Variants in UBE3B observed in about 807,000 individuals in gnomAD.
The protein encoded by UBE3B is ubiquitin-protein ligase E3B.
In UBE3B, 80 loss-of-function variants were observed where a neutral mutation model predicts 132.3. That is an observed-to-expected ratio of 0.60 (90% CI 0.50 to 0.73). The LOEUF is 0.73. UBE3B is among the 30% of genes least tolerant of loss of function. The pLI is 0.00. For synonymous variants in UBE3B, 487 were observed against 520.4 expected (o/e 0.94, Z 0.87); for missense variants, 1,196 against 1,362.5 (o/e 0.88, Z 1.92).
chr12:109,488,441 A>G, intron 6 of UBE3B, 131 bp from the exon 7 acceptor site: 2 of 838,374 alleles, frequency 2.4e-6, no homozygotes, highest in Non-Finnish European at 4.0e-6. Context: ...GAGAAAAAGA[A>G]TTAAGACTGA....
rs1876492388 is a variant in UBE3B, at chr12:109,486,585, A to AAAAAAAAAAAAAAAAAAAAAAAAAC, written c.447+28_447+29insAAAAAACAAAAAAAAAAAAAAAAAA. 8.6e-7 allele frequency: 1 copy of AAAAAAAAAAAAAAAAAAAAAAAAAC among 1,158,396 alleles called. No individual in the cohort carries two copies. Among genetic ancestry groups the AAAAAAAAAAAAAAAAAAAAAAAAAC allele is most frequent in the Non-Finnish European group, 1.2e-6 (1 of 847,296 alleles). 71.8% of individuals were successfully genotyped at this position (1,158,396 alleles called of 1,614,324 possible). A position where few individuals can be genotyped will look rare whatever the true frequency, so the allele number is the denominator to read the frequency against. ...TCTCAAGCAGCTCAAGGTAACAAAA[A>AAAAAAAAAAAAAAAAAAAAAAAAAC]AAAAAAAAAAAAAAAAAAGCAAAAC... On this transcript the variant is annotated intron_variant, in intron 6 of 27. Transcript: ENST00000342494.
chr12:109,532,001 C>T (rs1451124699), intron 26 of UBE3B, among the ~76,000 whole-genome samples: 1 of 152,014 alleles, frequency 6.6e-6, no homozygotes, highest in Non-Finnish European at 1.5e-5. Context: ...AAATGTAACC[C>T]TTGCCCAGGA....
chr12:109,514,080 A>C (rs373355311), intron 18 of UBE3B, among the ~76,000 whole-genome samples: 155 of 152,300 alleles, frequency 1.0e-3, no homozygotes, highest in South Asian at 3.1e-3. Flanking sequence ...ACATTTGTTA[A>C]AGCCTCAGCT....
At chr12:109,529,107 G>A (rs188076017) in intron 24 of UBE3B, among the ~76,000 whole-genome samples, 16 of 152,324 alleles carry the variant, frequency 1.1e-4, no homozygotes, top group Admixed American at 1.0e-3. Flanking sequence ...GTCGCAGTGA[G>A]CTGAGATCGC....
intron 17 of UBE3B, 130 bp from the exon 18 acceptor site, chr12:109,511,074 A>G (rs780208266): frequency 2.6e-6 from 2 of 763,212 alleles, no homozygotes; most frequent in Non-Finnish European, 4.4e-6. Context: ...GAGTATGGTC[A>G]TGTTCCCATC....
chr12:109,496,311 T>C (rs1878202898), intron 9 of UBE3B, among the ~76,000 whole-genome samples: 1 of 152,262 alleles, frequency 6.6e-6, no homozygotes, highest in South Asian at 2.1e-4. Flanking sequence ...TTGTTTCTAC[T>C]TTTTGGCTAT....
chr12:109,489,142 G>A (rs1195739278), intron 7 of UBE3B, among the ~76,000 whole-genome samples: 2 of 152,166 alleles, frequency 1.3e-5, no homozygotes, highest in Admixed American at 6.5e-5. Context: ...GCCTCTAGGC[G>A]CTGAAGACAG....
chr12:109,517,093 AG>A (rs1040656024), intron 19 of UBE3B, among the ~76,000 whole-genome samples: 2 of 152,210 alleles, frequency 1.3e-5, no homozygotes, highest in African/African-American at 2.4e-5. Context: ...GAGACCCAGC[AG>A]TGTCTTCCTT....
chr12:109,501,179 A>G (rs1464355285), intron 12 of UBE3B, among the ~76,000 whole-genome samples, 192 bp from the exon 13 acceptor site: 2 of 152,218 alleles, frequency 1.3e-5, no homozygotes, highest in African/African-American at 4.8e-5. Context: ...TGAAGAGTCA[A>G]TGCCCTTGAC....
At chr12:109,516,629 A>T in intron 18 of UBE3B, 136 bp from the exon 19 acceptor site, 1 of 1,375,286 alleles carries the variant, frequency 7.3e-7, no homozygotes, top group Non-Finnish European at 9.9e-7. Context: ...GACACTTCTA[A>T]CTGGTAGCAC....
rs1592928467 is a variant in UBE3B at position 109,507,541 on chromosome 12, G to A, written c.1451-23G>A. On this transcript the variant is annotated intron_variant, in intron 14 of 27. Coordinates refer to ENST00000342494, the MANE Select transcript of UBE3B (RefSeq NM_130466.4). ...CAGGTGGAGTCTCCACCTGAAGCTT[G>A]GGTTTCTCTGTGTTTTTTCCAGGTC... The A allele has an allele frequency of 4.4e-6, 7 of 1,604,806 alleles. No individual in the cohort carries two copies. The East Asian group carries it at 1.6e-4, about 36-fold the overall frequency.
intron 18 of UBE3B, 34 bp downstream of exon 18, chr12:109,511,337 C>G: frequency 6.3e-7 from 1 of 1,593,698 alleles, no homozygotes; most frequent in South Asian, 1.1e-5. Context: ...CCCGATGTGT[C>G]TTTCTATTCC....
intron 18 of UBE3B, 43 bp from the exon 19 acceptor site, chr12:109,516,722 G>C: frequency 6.3e-7 from 1 of 1,598,090 alleles, no homozygotes; most frequent in Non-Finnish European, 8.6e-7. Context: ...GGAATCGTCA[G>C]TTTGCTGACC....
chr12:109,517,624 A>G (rs557154574), intron 19 of UBE3B, among the ~76,000 whole-genome samples: 4 of 152,234 alleles, frequency 2.6e-5, no homozygotes, highest in Admixed American at 6.5e-5. Context: ...CTACCCATAC[A>G]TGCTCATCCT....
chr12:109,497,834 C>T lies in UBE3B; in HGVS notation c.730C>T (p.Gln244Ter), dbSNP rs750360032. 25 of 1,614,056 alleles carry T rather than the reference C, an allele frequency of 1.5e-5. No individual in the cohort carries two copies. Among genetic ancestry groups the T allele is most frequent in the Non-Finnish European group, 1.9e-5 (23 of 1,180,054 alleles). The change falls in exon 10 of 28, where the codon CAG (glutamine) becomes TAG (stop). Residue 244 changes from glutamine to a stop codon, truncating the protein, a stop_gained. Transcript: ENST00000342494. LOFTEE classifies it high-confidence loss of function. ...SLALRPVIAAQFSDNLIRPFL... is the reference protein window; with the variant it reads ...SLALRPVIAA ...TGTGTCTAGCCCTGTGATTGCTGCA[C>T]AGTTCTCAGACAATCTGATTCGGCC...
chr12:109,523,278 G>A (rs960921397), intron 21 of UBE3B, among the ~76,000 whole-genome samples: 14 of 152,204 alleles, frequency 9.2e-5, no homozygotes, highest in African/African-American at 2.7e-4. Context: ...TGCCACAGCC[G>A]TCTGGCTGTG....
intron 26 of UBE3B, among the ~76,000 whole-genome samples, chr12:109,531,473 G>A (rs76915832): frequency 0.015 from 2,245 of 152,276 alleles, 59 homozygotes; most frequent in African/African-American, 0.052. Flanking sequence ...ATTTTGCCAT[G>A]TTCTGGTGGT....
rs1210473067 is a variant in UBE3B, at chr12:109,522,019, G to A, written c.2364+468G>A. ...AGTTTTAAAATCTTGTGTTGTTTGAGTGAGTGCTTCCCAGCCATGGCAACA... is the reference window on the plus strand; with the variant it reads ...AGTTTTAAAATCTTGTGTTGTTTGAATGAGTGCTTCCCAGCCATGGCAACA... On this transcript the variant is annotated intron_variant, in intron 21 of 27. Transcript: ENST00000342494. The surrounding 1 kb of genome is among the most constrained non-coding windows in gnomAD (Gnocchi z 4.2). 6.6e-6 allele frequency among the ~76,000 whole-genome samples: 1 copy of A among 152,198 alleles called. No homozygotes were observed. Among genetic ancestry groups the A allele is most frequent in the Non-Finnish European group, 1.5e-5 (1 of 68,040 alleles).
intron 9 of UBE3B, among the ~76,000 whole-genome samples, chr12:109,493,089 A>G (rs537055901): frequency 1.3e-5 from 2 of 152,244 alleles, no homozygotes; most frequent in Non-Finnish European, 2.9e-5. Context: ...TTTATCTAAT[A>G]AACAATTGTG....
Sources: gnomAD v4.1 joint callset for allele counts (sites outside exome capture counted in the v4.1 genomes callset) on GRCh38, gnomAD v4.1.1 for gene constraint, Gnocchi (gnomAD v3.1) non-coding constraint, MANE v1.5 for transcripts, NCBI Gene and HGNC (gene_info 2026-07-23, HGNC 2026-07-21) for gene names.